CYP2C19: variants seen among roughly 807,000 people sequenced by gnomAD.
CYP2C19 encodes cytochrome P450 2C19.
Under a neutral mutation model 40.9 loss-of-function variants are expected in CYP2C19, and 59 were observed. The ratio of observed to expected loss-of-function variants is 1.44; its 90% CI spans 1.17 to 1.79. CYP2C19 has a LOEUF of 1.79. Among genes scored for constraint, CYP2C19 ranks in the 40% most tolerant of loss-of-function variants. The pLI, the probability that CYP2C19 is intolerant of heterozygous loss-of-function variation, is 0.00. For synonymous variants in CYP2C19, 253 were observed against 208.7 expected (o/e 1.21, Z -1.83); for missense variants, 754 against 596.9 (o/e 1.26, Z -2.74).
intron 4 of CYP2C19, among the ~76,000 whole-genome samples, chr10:94,781,288 A>G: frequency 6.6e-6 from 1 of 152,146 alleles, no homozygotes; most frequent in Non-Finnish European, 1.5e-5. Flanking sequence ...CCTAAATAAT[A>G]ATTGTATGAT....
chr10:94,827,707 A>T (rs1321431462), intron 6 of CYP2C19, among the ~76,000 whole-genome samples: 21 of 151,892 alleles, frequency 1.4e-4, no homozygotes, highest in Non-Finnish European at 2.8e-4. Context: ...TTCTGCTAGC[A>T]TTTGAATGTG....
intron 6 of CYP2C19, among the ~76,000 whole-genome samples, chr10:94,837,877 C>T (rs931569395): frequency 6.6e-6 from 1 of 152,208 alleles, no homozygotes; most frequent in African/African-American, 2.4e-5. Context: ...GTGGCCCTTC[C>T]AGTGGATTCC....
At chr10:94,839,663 G>A (rs751482699) in intron 6 of CYP2C19, among the ~76,000 whole-genome samples, 1 of 152,224 alleles carries the variant, frequency 6.6e-6, no homozygotes, top group Non-Finnish European at 1.5e-5. Context: ...TCTTGGCTGA[G>A]TGCAAAGAGT....
chr10:94,848,622 T>G (rs904081560), intron 7 of CYP2C19, among the ~76,000 whole-genome samples: 7 of 152,208 alleles, frequency 4.6e-5, no homozygotes, highest in African/African-American at 1.7e-4. Flanking sequence ...AGAAAGTCAT[T>G]GGTAGCTTGA....
intron 5 of CYP2C19, among the ~76,000 whole-genome samples, chr10:94,788,120 C>T (rs1271684369): frequency 1.3e-5 from 2 of 151,814 alleles, no homozygotes; most frequent in Non-Finnish European, 2.9e-5. Context: ...CATTCCACCC[C>T]CACCCCCCAC....
chr10:94,845,893 A>G (rs565570078), intron 7 of CYP2C19, among the ~76,000 whole-genome samples: 35 of 152,202 alleles, frequency 2.3e-4, no homozygotes, highest in African/African-American at 7.0e-4. Context: ...ACACACATAT[A>G]TCTATATGTA....
chr10:94,789,708 C>A (rs533326228), intron 5 of CYP2C19, among the ~76,000 whole-genome samples: 1 of 151,836 alleles, frequency 6.6e-6, no homozygotes, highest in African/African-American at 2.4e-5. Context: ...TCTATATATC[C>A]ATTTTGGTAA....
intron 5 of CYP2C19, among the ~76,000 whole-genome samples, chr10:94,786,280 G>A (rs778229882): frequency 2.0e-5 from 3 of 152,058 alleles, no homozygotes; most frequent in Admixed American, 2.0e-4. Context: ...AAAAGGTCAC[G>A]GGTATTTTGG....
intron 6 of CYP2C19, among the ~76,000 whole-genome samples, chr10:94,840,894 T>A (rs928397835): frequency 6.6e-6 from 1 of 152,184 alleles, no homozygotes; most frequent in African/African-American, 2.4e-5. Flanking sequence ...CATTTTTAAC[T>A]GGCCGACAGG....
chr10:94,783,927 A>G (rs538066975), intron 5 of CYP2C19, among the ~76,000 whole-genome samples: 1 of 152,290 alleles, frequency 6.6e-6, no homozygotes, highest in South Asian at 2.1e-4. Context: ...CACACAACAT[A>G]CAATTAACCA....
At chr10:94,790,017 C>T (rs187302831) in intron 5 of CYP2C19, among the ~76,000 whole-genome samples, 45 of 152,210 alleles carry the variant, frequency 3.0e-4, no homozygotes, top group South Asian at 1.5e-3. Flanking sequence ...TCTTTTATTT[C>T]GTTGAGCAGT....
At chr10:94,826,452 C>T (rs1212983428) in intron 6 of CYP2C19, among the ~76,000 whole-genome samples, 2 of 152,098 alleles carry the variant, frequency 1.3e-5, no homozygotes, top group South Asian at 4.1e-4. Context: ...TGATTTGGCA[C>T]TCTGTTTGTC....
chr10:94,774,880 C>T, intron 1 of CYP2C19, 178 bp from the exon 2 acceptor site: 3 of 666,196 alleles, frequency 4.5e-6, no homozygotes, highest in South Asian at 4.0e-5. Flanking sequence ...ACATCATAGG[C>T]CATCTGAGTG....
intron 6 of CYP2C19, 120 bp downstream of exon 6, chr10:94,820,757 C>T: frequency 8.0e-7 from 1 of 1,255,518 alleles, no homozygotes; most frequent in South Asian, 1.3e-5. Flanking sequence ...GTGCCCGCAG[C>T]TGTAATCTGT....
At position 94,782,040 on chromosome 10, in the gene CYP2C19, T is replaced by C. The variant is rs1037462126; in HGVS notation, c.819+43T>C. On this transcript the variant is annotated intron_variant, in intron 5 of 8. Coordinates refer to ENST00000371321, the MANE Select transcript of CYP2C19 (RefSeq NM_000769.4). The stretch of plus-strand genomic sequence containing the variant: ...GCTTAGTTATGTGACTGCTTGCGTA[T>C]TTGTGATTCATTGACTAGTTTTGTG... 4 of 1,472,626 alleles carry C rather than the reference T, an allele frequency of 2.7e-6. No individual in the cohort carries two copies. The East Asian group carries it at 8.0e-5, about 29-fold the overall frequency. The allele number at this position is 1,472,626 out of a possible 1,614,324, so 91.2% of individuals were successfully genotyped here.
At chr10:94,850,649 A>C (rs1197028561) in intron 8 of CYP2C19, among the ~76,000 whole-genome samples, 1 of 152,232 alleles carries the variant, frequency 6.6e-6, no homozygotes, top group Non-Finnish European at 1.5e-5. Flanking sequence ...AAAATGAGAC[A>C]TAAGTAACTA....
intron 5 of CYP2C19, among the ~76,000 whole-genome samples, chr10:94,819,176 G>A (rs1249331708): frequency 1.4e-5 from 2 of 146,914 alleles, no homozygotes; most frequent in Non-Finnish European, 3.0e-5. Flanking sequence ...AAATAAAGAT[G>A]TTCTTTGAAA....
intron 7 of CYP2C19, among the ~76,000 whole-genome samples, chr10:94,844,371 C>T (rs965432626): frequency 6.6e-6 from 1 of 152,120 alleles, no homozygotes; most frequent in Admixed American, 6.5e-5. Context: ...AATGTGAACC[C>T]AGTCGAAAAT....
chr10:94,833,942 T>G (rs1849365259), intron 6 of CYP2C19, among the ~76,000 whole-genome samples: 1 of 152,136 alleles, frequency 6.6e-6, no homozygotes, highest in African/African-American at 2.4e-5. Flanking sequence ...ATTCATCAGG[T>G]GTATTGGCCT....
Sources: gnomAD v4.1 joint callset for allele counts (sites outside exome capture counted in the v4.1 genomes callset) on GRCh38, gnomAD v4.1.1 for gene constraint, MANE v1.5 for transcripts, NCBI Gene and HGNC (gene_info 2026-07-23, HGNC 2026-07-21) for gene names.